Variants in ARF1 observed in about 807,000 individuals in gnomAD.
ARF1 encodes the protein ADP-ribosylation factor 1.
Under a neutral mutation model 18.0 loss-of-function variants are expected in ARF1, and 1 was observed. The ratio of observed to expected loss-of-function variants is 0.06; its 90% CI spans 0.02 to 0.26. The LOEUF is 0.26. Among genes scored for constraint, ARF1 ranks in the 10% least tolerant of loss-of-function variants. The probability of loss-of-function intolerance (pLI) is 1.00; values close to 1 mark genes in which losing one functional copy is unlikely to be tolerated. For synonymous variants in ARF1, 112 were observed against 96.3 expected, an observed-to-expected ratio of 1.16 and a Z score of -0.95; for missense variants, 73 against 247.2, an observed-to-expected ratio of 0.30 and a Z score of 4.73.
In ARF1 at chr1:228,097,349, C is replaced by T. The variant is rs774460920; in HGVS notation, c.156C>T (p.Asn52=). ...IVTTIPTIGF[N]VETVEYKNIS... Reference sequence around the variant, plus strand: ...CCTGCATCCCGCACCCAGGCTTCAACGTGGAAACCGTGGAGTACAAGAACA... The same window carrying T: ...CCTGCATCCCGCACCCAGGCTTCAATGTGGAAACCGTGGAGTACAAGAACA... Residue 52 remains asparagine (N), a synonymous_variant, in exon 3 of 5, where the codon AAC becomes AAT. Coordinates refer to ENST00000272102, the MANE Select transcript of ARF1 (RefSeq NM_001658.4). This position sits in a 1 kb window ranked among gnomAD's most constrained non-coding sequence, Gnocchi z 8.1. 2.3e-5 allele frequency: 37 copies of T among 1,613,926 alleles called. No individual in the cohort carries two copies. The highest frequency in any genetic ancestry group is 1.6e-4 in the Middle Eastern group (1 of 6,080).
intron 1 of ARF1, 89 bp from the exon 2 acceptor site, chr1:228,096,989 G>T: frequency 8.3e-7 from 1 of 1,209,468 alleles, no homozygotes. Context: ...GAGGTGGGGT[G>T]AGGCAGTGGT....
chr1:228,094,636 T>A (rs1318541794), intron 1 of ARF1, among the ~76,000 whole-genome samples: 1 of 152,106 alleles, frequency 6.6e-6, no homozygotes, highest in East Asian at 1.9e-4. Flanking sequence ...TTGGCTAGGC[T>A]GCTGCTCTCT....
chr1:228,092,842 A>T (rs1208238626), intron 1 of ARF1, among the ~76,000 whole-genome samples: 1 of 152,166 alleles, frequency 6.6e-6, no homozygotes, highest in Non-Finnish European at 1.5e-5. Context: ...CACAAAACGG[A>T]TGTGAACTCA....
Position 228,097,722 on chromosome 1 carries a change from G to T in ARF1, c.384+7G>T. On this transcript the variant is annotated splice_region_variant and intron_variant, in intron 4 of 4. Coordinates refer to ENST00000272102, the MANE Select transcript of ARF1 (RefSeq NM_001658.4). This position sits in a 1 kb window ranked among gnomAD's most constrained non-coding sequence, Gnocchi z 8.1. ...GGTGTTCGCCAACAAGCAGGTAGGC[G>T]CCCGGGCCAGCCTGGGGAATGTGAG... 2 of 1,601,812 alleles carry T rather than the reference G, an allele frequency of 1.2e-6. No individual in the cohort carries two copies. Among genetic ancestry groups the T allele is most frequent in the East Asian group, 2.2e-5 (1 of 44,784 alleles).
chr1:228,096,293 G>A (rs902652239), intron 1 of ARF1, among the ~76,000 whole-genome samples: 19 of 152,248 alleles, frequency 1.2e-4, no homozygotes, highest in African/African-American at 3.9e-4. Context: ...TTCCTCACTC[G>A]GGGTAAGCCC....
chr1:228,091,992 C>G (rs114893377), intron 1 of ARF1, among the ~76,000 whole-genome samples: 2,168 of 152,154 alleles, frequency 0.014, 22 homozygotes, highest in Middle Eastern at 0.037. Flanking sequence ...GGCTGTTGTT[C>G]CTCAGAAATT....
Position 228,098,832 on chromosome 1 carries a change from CTT to C in ARF1, c.*821_*822del, listed in dbSNP as rs2032853051. On this transcript the variant is annotated 3_prime_UTR_variant, in exon 5 of 5. Transcript: ENST00000272102. ...CCCAACACTCGTGCTCGCTCAGACA[CTT>C]TGGCAGGATGTCTGGGGCCTCACCA... is the stretch of plus-strand genomic sequence containing the variant. The C allele has an allele frequency of 6.5e-6, 1 of 152,696 alleles. No individual in the cohort carries two copies. The highest frequency in any genetic ancestry group is 6.5e-5 in the Admixed American group (1 of 15,282). 9.5% of individuals were successfully genotyped at this position (152,696 alleles called of 1,614,324 possible). A position where few individuals can be genotyped will look rare whatever the true frequency, so the allele number is the denominator to read the frequency against.
intron 1 of ARF1, among the ~76,000 whole-genome samples, chr1:228,086,012 G>T (rs528902399): frequency 2.6e-5 from 4 of 152,306 alleles, no homozygotes; most frequent in African/African-American, 7.2e-5. Flanking sequence ...GCCAAGGCAG[G>T]ATTAGAGGGT....
chr1:228,088,762 G>A (rs377479926), intron 1 of ARF1, among the ~76,000 whole-genome samples: 1 of 152,178 alleles, frequency 6.6e-6, no homozygotes, highest in African/African-American at 2.4e-5. Flanking sequence ...GTCCTCTAGC[G>A]TGGTTGTGAA....
intron 1 of ARF1, among the ~76,000 whole-genome samples, chr1:228,084,726 A>AT (rs2032338082): frequency 6.6e-6 from 1 of 152,252 alleles, no homozygotes; most frequent in South Asian, 2.1e-4. Flanking sequence ...AGAATTTAAT[A>AT]TGGACTGTCA....
intron 1 of ARF1, among the ~76,000 whole-genome samples, chr1:228,087,159 G>GT (rs1428240939): frequency 6.6e-6 from 1 of 152,212 alleles, no homozygotes; most frequent in Non-Finnish European, 1.5e-5. Context: ...CATTTCCAAA[G>GT]GGCTTCCAGT....
In ARF1 at chr1:228,082,895, G is replaced by A. The variant is rs1377589543; in HGVS notation, c.-38+130G>A. 6.6e-6 allele frequency: 1 copy of A among 151,030 alleles called. No individual in the cohort carries two copies. The highest frequency in any genetic ancestry group is 1.5e-5 in the Non-Finnish European group (1 of 67,638). The allele number at this position is 151,030 out of a possible 1,614,324, so 9.4% of individuals were successfully genotyped here. A position where few individuals can be genotyped will look rare whatever the true frequency, so the allele number is the denominator to read the frequency against. On this transcript the variant is annotated intron_variant, in intron 1 of 4. Coordinates refer to ENST00000272102, the MANE Select transcript of ARF1 (RefSeq NM_001658.4). This position sits in a 1 kb window ranked among gnomAD's most constrained non-coding sequence, Gnocchi z 6.1. Reference sequence around the variant, plus strand: ...ACCCCCGCGGCGGCGGCGGCGACAGGGCCGGGCCGGGGGCGGACGCAGACG... The same window carrying A: ...ACCCCCGCGGCGGCGGCGGCGACAGAGCCGGGCCGGGGGCGGACGCAGACG...
chr1:228,087,635 C>G (rs922036064), intron 1 of ARF1, among the ~76,000 whole-genome samples: 1 of 152,032 alleles, frequency 6.6e-6, no homozygotes, highest in Non-Finnish European at 1.5e-5. Flanking sequence ...GAGCAGGACC[C>G]TTAGCTCTTA....
intron 1 of ARF1, among the ~76,000 whole-genome samples, chr1:228,094,739 T>G (rs1282257022): frequency 6.6e-6 from 1 of 152,210 alleles, no homozygotes; most frequent in Non-Finnish European, 1.5e-5. Flanking sequence ...CCCTGCAGTT[T>G]GGGAGTTATT....
At position 228,097,504 on chromosome 1, in the gene ARF1, G is replaced by T. The variant is rs1255901998; in HGVS notation, c.259+52G>T. 5.6e-6 allele frequency: 9 copies of T among 1,613,748 alleles called. No homozygotes were observed. The highest frequency in any genetic ancestry group is 7.6e-6 in the Non-Finnish European group (9 of 1,179,784). The stretch of plus-strand genomic sequence containing the variant: ...GGCACTCCTGCTTCTAGAGAGGGGG[G>T]GCCAGCCCATAGATGGGGCATCGAT... On this transcript the variant is annotated intron_variant, in intron 3 of 4. Coordinates refer to ENST00000272102, the MANE Select transcript of ARF1 (RefSeq NM_001658.4). The surrounding 1 kb of genome is among the most constrained non-coding windows in gnomAD (Gnocchi z 8.1).
At chr1:228,086,119 GA>G (rs745620486) in intron 1 of ARF1, among the ~76,000 whole-genome samples, 6 of 152,164 alleles carry the variant, frequency 3.9e-5, no homozygotes, top group Non-Finnish European at 7.4e-5. Flanking sequence ...CCTATACCAT[GA>G]AGTCACACTT....
At chr1:228,086,103 A>G (rs1027645031) in intron 1 of ARF1, among the ~76,000 whole-genome samples, 1 of 152,194 alleles carries the variant, frequency 6.6e-6, no homozygotes, top group African/African-American at 2.4e-5. Flanking sequence ...AATTTAATCA[A>G]TCACACCTAT....
intron 1 of ARF1, among the ~76,000 whole-genome samples, chr1:228,084,648 G>C (rs1227757857): frequency 6.6e-6 from 1 of 152,150 alleles, no homozygotes; most frequent in Non-Finnish European, 1.5e-5. Context: ...CTGCTCATCT[G>C]CCCCTACGGA....
intron 1 of ARF1, among the ~76,000 whole-genome samples, chr1:228,095,832 T>C (rs2124854774): frequency 6.6e-6 from 1 of 152,236 alleles, no homozygotes; most frequent in East Asian, 1.9e-4. Flanking sequence ...GCTCCATGGG[T>C]GGTGGTCTTC....
Sources: gnomAD v4.1 joint callset for allele counts (sites outside exome capture counted in the v4.1 genomes callset) on GRCh38, gnomAD v4.1.1 for gene constraint, Gnocchi (gnomAD v3.1) non-coding constraint, MANE v1.5 for transcripts, NCBI Gene and HGNC (gene_info 2026-07-23, HGNC 2026-07-21) for gene names.